The following SEL1L3 variants were observed in gnomAD, a reference collection of about 807,000 sequenced individuals.
The protein encoded by SEL1L3 is SEL1L family member 3.
A neutral mutation model predicts 142.8 loss-of-function variants in SEL1L3; 76 were observed. That is an observed-to-expected ratio of 0.53 (90% CI 0.44 to 0.64). The LOEUF (loss-of-function observed/expected upper bound fraction) is 0.64, where lower values mean the gene tolerates loss of function less well. Ranked by LOEUF, SEL1L3 falls within the 30% of genes least tolerant of loss-of-function variation. The probability of loss-of-function intolerance (pLI) is 0.00; values close to 1 mark genes in which losing one functional copy is unlikely to be tolerated. For synonymous variants in SEL1L3, 504 were observed against 519.6 expected (o/e 0.97, Z 0.41); for missense variants, 1,262 against 1,381.7 (o/e 0.91, Z 1.37).
intron 12 of SEL1L3, 43 bp downstream of exon 12, chr4:25,790,412 T>C (rs1461165433): frequency 1.9e-6 from 3 of 1,604,608 alleles, no homozygotes; most frequent in Non-Finnish European, 1.7e-6. Flanking sequence ...ACCCAGTCTA[T>C]CATGGCTGAC....
chr4:25,774,199 G>A lies in SEL1L3; in HGVS notation c.2669+2078C>T, dbSNP rs895366761. On this transcript the variant is annotated intron_variant, in intron 17 of 23. Transcript: ENST00000399878. ...TTCCGGGGCAGAGGAAAAAGCCAGC[G>A]CAAGGGCTCAGAGATCAGATAGAAT... Among the ~76,000 whole-genome samples the A allele has an allele frequency of 5.9e-5, 9 of 152,282 alleles. 1 individual carries two copies. The highest frequency in any genetic ancestry group is 1.4e-4 in the African/African-American group (6 of 41,560).
chr4:25,743,666 T>C (rs1577541509), downstream of SEL1L3, among the ~76,000 whole-genome samples: 2 of 152,346 alleles, frequency 1.3e-5, 1 homozygote, highest in South Asian at 4.1e-4. Context: ...TTTGAGTTTC[T>C]GATTAGCTTT....
chr4:25,846,090 C>T (rs757286581), intron 2 of SEL1L3, among the ~76,000 whole-genome samples: 1 of 152,130 alleles, frequency 6.6e-6, no homozygotes, highest in Non-Finnish European at 1.5e-5. Flanking sequence ...GAGGAAACAA[C>T]TGGGCGCATG....
At chr4:25,856,625 G>T (rs1717287264) in intron 1 of SEL1L3, among the ~76,000 whole-genome samples, 1 of 151,156 alleles carries the variant, frequency 6.6e-6, no homozygotes, top group African/African-American at 2.4e-5. Flanking sequence ...AAAGAAATGG[G>T]CCAGTTAATG....
the SEL1L3 span, among the ~76,000 whole-genome samples, chr4:25,724,244 A>C: frequency 7.9e-5 from 12 of 151,792 alleles, no homozygotes; most frequent in Non-Finnish European, 1.5e-4. Flanking sequence ...CATGGTGAGA[A>C]CCCATCTCTA....
chr4:25,786,058 C>T (rs1711803300), intron 13 of SEL1L3, among the ~76,000 whole-genome samples: 1 of 152,094 alleles, frequency 6.6e-6, no homozygotes, highest in African/African-American at 2.4e-5. Context: ...CCTGGTACAT[C>T]GTAAGTACTC....
chr4:25,838,074 T>C (rs1238687890), intron 2 of SEL1L3, among the ~76,000 whole-genome samples: 1 of 152,218 alleles, frequency 6.6e-6, no homozygotes, highest in Admixed American at 6.5e-5. Context: ...AAATATTTGA[T>C]GAATGAATGA....
chr4:25,791,389 A>G (rs1374979634), intron 11 of SEL1L3, among the ~76,000 whole-genome samples: 1 of 152,254 alleles, frequency 6.6e-6, no homozygotes, highest in African/African-American at 2.4e-5. Context: ...CCTCCCAGGT[A>G]TCTGACTCCT....
chr4:25,736,663 G>A, the SEL1L3 span, among the ~76,000 whole-genome samples: 18 of 152,186 alleles, frequency 1.2e-4, no homozygotes, highest in Admixed American at 1.2e-3. Context: ...TGTTAGTTAA[G>A]TTAAGGATGT....
intron 12 of SEL1L3, among the ~76,000 whole-genome samples, chr4:25,789,410 T>C (rs528791940): frequency 6.6e-6 from 1 of 151,958 alleles, no homozygotes; most frequent in Non-Finnish European, 1.5e-5. Flanking sequence ...CAAGACCCCA[T>C]TTCTACAAAA....
At chr4:25,791,782 A>G (rs1340353222) in intron 11 of SEL1L3, among the ~76,000 whole-genome samples, 1 of 152,136 alleles carries the variant, frequency 6.6e-6, no homozygotes, top group Non-Finnish European at 1.5e-5. Flanking sequence ...GTGTGGTGGT[A>G]CACACCGCTA....
intron 7 of SEL1L3, among the ~76,000 whole-genome samples, chr4:25,820,182 C>A (rs1021545222): frequency 5.6e-4 from 86 of 152,222 alleles, no homozygotes; most frequent in African/African-American, 1.9e-3. Context: ...GTCAGAATTT[C>A]CCAGAGACTG....
rs780971320 is a variant in SEL1L3 at position 25,804,601 on chromosome 4, T to C, written c.1716A>G (p.Ala572=). Residue 572 remains alanine (A), a synonymous_variant, in exon 10 of 24, where the codon GCA becomes GCG. Coordinates refer to ENST00000399878, the MANE Select transcript of SEL1L3 (RefSeq NM_015187.5). The part of the protein sequence containing the change: ...TDSSCCGYHK[A]SYYLAVFYET... Reference sequence around the variant, plus strand: ...CATAAAAGACTGCAAGGTAGTAGGATGCTTTATGGTATCCACAGCAGCTGG... The same window carrying C: ...CATAAAAGACTGCAAGGTAGTAGGACGCTTTATGGTATCCACAGCAGCTGG... 2.3e-5 allele frequency: 37 copies of C among 1,613,836 alleles called. No individual in the cohort carries two copies. The South Asian group carries it at 3.6e-4, about 16-fold the overall frequency.
the SEL1L3 span, among the ~76,000 whole-genome samples, chr4:25,715,044 T>C: frequency 2.0e-5 from 3 of 152,290 alleles, no homozygotes; most frequent in South Asian, 6.2e-4. Context: ...GACAAAGAGC[T>C]AATTTCAACA....
intron 20 of SEL1L3, among the ~76,000 whole-genome samples, chr4:25,762,174 G>A (rs1718417817): frequency 6.6e-6 from 1 of 152,136 alleles, no homozygotes; most frequent in South Asian, 2.1e-4. Flanking sequence ...GTCTCAAACT[G>A]CTGACTTCAA....
chr4:25,717,232 C>T, the SEL1L3 span, among the ~76,000 whole-genome samples: 5 of 152,180 alleles, frequency 3.3e-5, no homozygotes, highest in Non-Finnish European at 7.3e-5. Context: ...AAATTCAAGT[C>T]ATGGTTACCT....
At position 25,794,493 on chromosome 4, in the gene SEL1L3, A is replaced by C. The variant is rs569587993; in HGVS notation, c.1957-3919T>G. On this transcript the variant is annotated intron_variant, in intron 11 of 23. Transcript: ENST00000399878. Reference sequence around the variant, plus strand: ...CCACAATGAGATACCATCTCATGCCAGGTAGATAGTGGTGAGTTAGAATTC... The same window carrying C: ...CCACAATGAGATACCATCTCATGCCCGGTAGATAGTGGTGAGTTAGAATTC... 2.6e-5 allele frequency among the ~76,000 whole-genome samples: 4 copies of C among 152,352 alleles called. No homozygotes were observed. The South Asian group carries it at 8.3e-4, about 32-fold the overall frequency.
chr4:25,722,623 G>GATTTTTTTTTTT, the SEL1L3 span, among the ~76,000 whole-genome samples: 5 of 125,124 alleles, frequency 4.0e-5, no homozygotes, highest in Admixed American at 7.5e-5. Context: ...TCCAAAGGAG[G>GATTTTTTTTTTT]CTTTTTTTTT....
At chr4:25,760,973 C>T (rs866869771) in intron 20 of SEL1L3, among the ~76,000 whole-genome samples, 4 of 152,076 alleles carry the variant, frequency 2.6e-5, no homozygotes, top group Admixed American at 6.6e-5. Context: ...AGAGCTGGAG[C>T]GTCAAACACA....
Sources: allele counts gnomAD v4.1 joint callset (sites outside exome capture counted in the v4.1 genomes callset), GRCh38; gene constraint gnomAD v4.1.1; transcripts MANE v1.5; gene names NCBI Gene and HGNC (gene_info 2026-07-23, HGNC 2026-07-21).